The following PALLD variants were observed in gnomAD, a reference collection of about 807,000 sequenced individuals.
PALLD encodes the protein palladin, cytoskeletal associated protein.
A neutral mutation model predicts 123.5 loss-of-function variants in PALLD; 61 were observed. The observed-to-expected ratio is 0.49, with a 90% CI of 0.40 to 0.61. The LOEUF is 0.61. Ranked by LOEUF, PALLD falls within the 20% of genes least tolerant of loss-of-function variation. The pLI is 0.00. For missense variants in PALLD, 1,273 were observed against 1,377.0 expected, an observed-to-expected ratio of 0.92 and a Z score of 1.20; for synonymous variants, 465 against 496.4, an observed-to-expected ratio of 0.94 and a Z score of 0.84.
intron 2 of PALLD, among the ~76,000 whole-genome samples, chr4:168,561,677 T>A (rs1054787050): frequency 3.3e-5 from 5 of 152,240 alleles, no homozygotes; most frequent in Admixed American, 2.6e-4. Flanking sequence ...TCTTCATTCA[T>A]GCATATAACT....
At chr4:168,557,642 A>G (rs1043617044) in intron 2 of PALLD, among the ~76,000 whole-genome samples, 20 of 152,158 alleles carry the variant, frequency 1.3e-4, no homozygotes, top group Admixed American at 1.0e-3. Context: ...CTGTGTCCCA[A>G]TGTGGAAACA....
chr4:168,671,635 A>G (rs762234884), intron 3 of PALLD, among the ~76,000 whole-genome samples: 13 of 152,250 alleles, frequency 8.5e-5, no homozygotes, highest in Non-Finnish European at 1.3e-4. Flanking sequence ...ATAATTTTTT[A>G]AAAAACAAAA....
At chr4:168,654,468 T>C (rs1719472094) in intron 2 of PALLD, among the ~76,000 whole-genome samples, 1 of 152,200 alleles carries the variant, frequency 6.6e-6, no homozygotes, top group African/African-American at 2.4e-5. Flanking sequence ...ATTTTCATCA[T>C]GACATAACGA....
chr4:168,577,107 A>G (rs959248619), intron 2 of PALLD, among the ~76,000 whole-genome samples: 2 of 152,186 alleles, frequency 1.3e-5, no homozygotes, highest in Non-Finnish European at 2.9e-5. Flanking sequence ...ATAAGGTGGA[A>G]GAAGATTTAT....
intron 15 of PALLD, among the ~76,000 whole-genome samples, chr4:168,905,184 T>C (rs570453970): frequency 3.9e-4 from 46 of 119,282 alleles, no homozygotes; most frequent in Middle Eastern, 5.8e-3. Context: ...GGAATCTCAC[T>C]CTGTCGCCCA....
At chr4:168,518,391 C>T (rs569402940) in intron 2 of PALLD, among the ~76,000 whole-genome samples, 1 of 152,262 alleles carries the variant, frequency 6.6e-6, no homozygotes, top group East Asian at 1.9e-4. Context: ...ACTGCCCGAA[C>T]ACCGTCCAGG....
intron 10 of PALLD, among the ~76,000 whole-genome samples, chr4:168,715,833 C>T (rs1785303488): frequency 1.3e-5 from 2 of 152,178 alleles, no homozygotes; most frequent in South Asian, 4.2e-4. Flanking sequence ...GCCTGTAGTC[C>T]CAGCTACTCG....
At chr4:168,568,592 CT>C (rs1323148981) in intron 2 of PALLD, among the ~76,000 whole-genome samples, 1 of 152,058 alleles carries the variant, frequency 6.6e-6, no homozygotes, top group African/African-American at 2.4e-5. Context: ...ATTATTCAAA[CT>C]TTCATACTTA....
intron 10 of PALLD, among the ~76,000 whole-genome samples, chr4:168,723,314 T>C (rs2150271252): frequency 6.6e-6 from 1 of 152,212 alleles, no homozygotes; most frequent in South Asian, 2.1e-4. Context: ...AACAGATATT[T>C]CGTAGTGATG....
At chr4:168,712,875 C>G (rs960740505) in intron 10 of PALLD, among the ~76,000 whole-genome samples, 2 of 152,148 alleles carry the variant, frequency 1.3e-5, no homozygotes, top group Non-Finnish European at 2.9e-5. Flanking sequence ...CTAGCCTACT[C>G]TTTTCTCTCT....
chr4:168,766,109 C>T (rs1733626314), intron 10 of PALLD, among the ~76,000 whole-genome samples: 1 of 152,212 alleles, frequency 6.6e-6, no homozygotes, highest in Non-Finnish European at 1.5e-5. Flanking sequence ...ACCCAACACA[C>T]CCCTGAATCC....
At chr4:168,535,056 A>T (rs981561990) in intron 2 of PALLD, among the ~76,000 whole-genome samples, 1 of 152,202 alleles carries the variant, frequency 6.6e-6, no homozygotes, top group African/African-American at 2.4e-5. Context: ...CATAGCAGTC[A>T]TCATATTAGG....
intron 1 of PALLD, among the ~76,000 whole-genome samples, chr4:168,508,477 A>C (rs1762227645): frequency 6.6e-6 from 1 of 152,132 alleles, no homozygotes; most frequent in Non-Finnish European, 1.5e-5. Context: ...CATGTAGTAC[A>C]TCTATCCCAG....
chr4:168,839,663 G>A (rs1745748012), intron 10 of PALLD, among the ~76,000 whole-genome samples: 2 of 152,100 alleles, frequency 1.3e-5, no homozygotes, highest in Non-Finnish European at 2.9e-5. Context: ...TGGGTAGATG[G>A]AGCCGCCGTT....
intron 2 of PALLD, among the ~76,000 whole-genome samples, chr4:168,526,948 T>C (rs1465948894): frequency 6.6e-6 from 1 of 152,172 alleles, no homozygotes; most frequent in Non-Finnish European, 1.5e-5. Context: ...GCAGAGCTGG[T>C]GATAGTTCAC....
At chr4:168,596,789 T>C (rs1046250741) in intron 2 of PALLD, among the ~76,000 whole-genome samples, 1 of 151,642 alleles carries the variant, frequency 6.6e-6, no homozygotes, top group Non-Finnish European at 1.5e-5. Flanking sequence ...AAAATTATAA[T>C]TTACCATCTC....
intron 10 of PALLD, among the ~76,000 whole-genome samples, chr4:168,833,513 A>C (rs1267381584): frequency 1.3e-5 from 2 of 152,106 alleles, no homozygotes; most frequent in East Asian, 3.9e-4. Flanking sequence ...AGAGACATGG[A>C]ATAATATGAT....
chr4:168,720,721 A>G (rs1468458272), intron 10 of PALLD, among the ~76,000 whole-genome samples: 1 of 152,186 alleles, frequency 6.6e-6, no homozygotes, highest in Non-Finnish European at 1.5e-5. Flanking sequence ...ATCTTGTCTT[A>G]AGAGAAAGGC....
intron 1 of PALLD, among the ~76,000 whole-genome samples, chr4:168,504,425 C>T (rs567729603): frequency 6.6e-6 from 1 of 152,228 alleles, no homozygotes; most frequent in East Asian, 1.9e-4. Context: ...GAAACCCTGT[C>T]TCTACTAAAA....
Sources: allele counts gnomAD v4.1 joint callset (sites outside exome capture counted in the v4.1 genomes callset), GRCh38; gene constraint gnomAD v4.1.1; transcripts MANE v1.5; gene names NCBI Gene and HGNC (gene_info 2026-07-23, HGNC 2026-07-21).